The following SLC26A7 variants were observed in gnomAD, a reference collection of about 807,000 sequenced individuals.
SLC26A7 encodes the protein solute carrier family 26 member 7.
SLC26A7 carries 59 observed loss-of-function variants against 82.5 expected under a neutral mutation model. The ratio of observed to expected loss-of-function variants is 0.72; its 90% CI spans 0.58 to 0.89. The LOEUF (loss-of-function observed/expected upper bound fraction) is 0.89. SLC26A7 is among the 40% of genes least tolerant of loss of function. SLC26A7 has a pLI of 0.00. For missense variants in SLC26A7, 820 were observed against 793.0 expected (o/e 1.03, Z -0.41); for synonymous variants, 271 against 274.3 (o/e 0.99, Z 0.12).
intron 2 of SLC26A7, among the ~76,000 whole-genome samples, chr8:91,269,404 T>TTTG (rs754592286): frequency 2.0e-5 from 3 of 152,006 alleles, no homozygotes; most frequent in Admixed American, 1.3e-4. Context: ...GATAACAGTT[T>TTTG]TTGTTGTTGT....
chr8:91,301,391 T>C (rs1374968584), intron 4 of SLC26A7, among the ~76,000 whole-genome samples: 1 of 152,174 alleles, frequency 6.6e-6, no homozygotes, highest in Non-Finnish European at 1.5e-5. Context: ...CTGCAGTTTC[T>C]TTTACAAAAA....
At chr8:91,373,709 A>AT (rs1439468111) in intron 15 of SLC26A7, among the ~76,000 whole-genome samples, 2 of 151,762 alleles carry the variant, frequency 1.3e-5, no homozygotes, top group Non-Finnish European at 3.0e-5. Flanking sequence ...TCCTTACCAG[A>AT]TTTTGGCATC....
At chr8:91,328,878 T>C (rs1813003432) in intron 5 of SLC26A7, among the ~76,000 whole-genome samples, 1 of 152,032 alleles carries the variant, frequency 6.6e-6, no homozygotes, top group African/African-American at 2.4e-5. Flanking sequence ...GATGGATTGT[T>C]TATGCATATT....
chr8:91,326,856 C>A (rs181500971), intron 5 of SLC26A7, among the ~76,000 whole-genome samples: 44 of 152,312 alleles, frequency 2.9e-4, no homozygotes, highest in Admixed American at 9.8e-4. Flanking sequence ...TTTTCAGCTT[C>A]TTCTGGCTCC....
At chr8:91,239,119 C>T (rs559626155) in intron 2 of SLC26A7, among the ~76,000 whole-genome samples, 1 of 151,914 alleles carries the variant, frequency 6.6e-6, no homozygotes, top group Non-Finnish European at 1.5e-5. Flanking sequence ...GCCTGTAATC[C>T]CAGCACTTTG....
intron 2 of SLC26A7, among the ~76,000 whole-genome samples, chr8:91,279,807 C>G (rs1323899748): frequency 6.6e-6 from 1 of 152,190 alleles, no homozygotes; most frequent in Non-Finnish European, 1.5e-5. Flanking sequence ...GTGCACCCGC[C>G]TCGGCCTCCC....
chr8:91,331,607 TA>T (rs1320738431), intron 5 of SLC26A7, among the ~76,000 whole-genome samples: 5 of 152,280 alleles, frequency 3.3e-5, no homozygotes, highest in Middle Eastern at 3.4e-3. Context: ...AATTGCCACA[TA>T]AAAATTGTAT....
At chr8:91,385,165 C>A (rs16912684) in intron 15 of SLC26A7, among the ~76,000 whole-genome samples, 7,956 of 152,194 alleles carry the variant, frequency 0.052, 290 homozygotes, top group African/African-American at 0.11. Context: ...TAAAGCCCAT[C>A]ATTTACCACA....
At chr8:91,360,893 A>G (rs1385247801) in intron 11 of SLC26A7, among the ~76,000 whole-genome samples, 4 of 152,268 alleles carry the variant, frequency 2.6e-5, no homozygotes, top group South Asian at 2.1e-4. Context: ...CTTGTTTTGT[A>G]TATGATTAAG....
intron 2 of SLC26A7, among the ~76,000 whole-genome samples, chr8:91,243,749 C>T (rs1810505337): frequency 6.6e-6 from 1 of 152,130 alleles, no homozygotes; most frequent in Non-Finnish European, 1.5e-5. Flanking sequence ...AAAAATCTCA[C>T]AATCCACAAA....
chr8:91,338,187 T>C lies in SLC26A7; in HGVS notation c.833T>C (p.Met278Thr), dbSNP rs746190868. The change falls in exon 7 of 19, where the codon ATG (methionine) becomes ACG (threonine). Residue 278 changes from methionine to threonine, a missense_variant. Met to Thr is a moderately conservative substitution (Grantham distance 81). Transcript: ENST00000276609. Reference sequence around the variant, plus strand: ...TCATTTGCTTGTTATTGCACCAATATGGAAAACACATATGGATTAGAAGTA... The same window carrying C: ...TCATTTGCTTGTTATTGCACCAATACGGAAAACACATATGGATTAGAAGTA... ...AASFACYCTNMENTYGLEVVG... is the reference protein window; with the variant it reads ...AASFACYCTNTENTYGLEVVG... 2.8e-5 allele frequency: 45 copies of C among 1,610,958 alleles called. No individual in the cohort carries two copies. The highest frequency in any genetic ancestry group is 6.7e-5 in the Admixed American group (4 of 59,572).
At position 91,241,270 on chromosome 8, in the gene SLC26A7, A is replaced by T. The variant is rs561620629; in HGVS notation, c.-33-8349A>T. On this transcript the variant is annotated intron_variant, in intron 2 of 5. Transcript: ENST00000522862. ...CTTATGATATAAATCTCAATGAAAT[A>T]AAAAATTACATGTATAGTAATGCCT... Among the ~76,000 whole-genome samples the T allele has an allele frequency of 3.9e-5, 6 of 152,290 alleles. No homozygotes were observed. In the East Asian group the frequency reaches 9.6e-4, roughly 24 times the overall value.
chr8:91,254,885 C>CT (rs1266197229), intron 2 of SLC26A7, among the ~76,000 whole-genome samples: 1 of 152,122 alleles, frequency 6.6e-6, no homozygotes, highest in African/African-American at 2.4e-5. Flanking sequence ...AAGACCTTCA[C>CT]TGTCAAATAT....
chr8:91,314,750 A>AT (rs1812582678), intron 4 of SLC26A7, among the ~76,000 whole-genome samples: 1 of 152,222 alleles, frequency 6.6e-6, no homozygotes, highest in African/African-American at 2.4e-5. Context: ...TGGTAGGAGG[A>AT]TTTTTTTAAA....
chr8:91,336,405 C>A (rs1035655881), intron 6 of SLC26A7, among the ~76,000 whole-genome samples: 1 of 152,070 alleles, frequency 6.6e-6, no homozygotes, highest in Non-Finnish European at 1.5e-5. Context: ...GGAACACGAA[C>A]CCTGTTGTGA....
At chr8:91,357,283 T>C (rs1214477958) in intron 11 of SLC26A7, 1 of 152,214 alleles carries the variant, frequency 6.6e-6, no homozygotes, top group Non-Finnish European at 1.5e-5. Flanking sequence ...GTTTGTTGGC[T>C]TCTAGTGTCC....
chr8:91,341,367 T>A (rs149573265), intron 8 of SLC26A7, among the ~76,000 whole-genome samples: 127 of 152,336 alleles, frequency 8.3e-4, no homozygotes, highest in African/African-American at 2.9e-3. Flanking sequence ...TGTGCCACAT[T>A]TTCTTGATCC....
intron 2 of SLC26A7, among the ~76,000 whole-genome samples, chr8:91,285,283 T>C (rs939470049): frequency 6.7e-6 from 1 of 148,998 alleles, no homozygotes; most frequent in African/African-American, 2.5e-5. Flanking sequence ...TCACACGCCT[T>C]CATCTTCATG....
At chr8:91,326,207 A>G (rs1240703345) in intron 5 of SLC26A7, among the ~76,000 whole-genome samples, 3 of 152,158 alleles carry the variant, frequency 2.0e-5, no homozygotes, top group East Asian at 3.9e-4. Context: ...GCTAGGGTCT[A>G]TCTGTGATTC....
Sources: gnomAD v4.1 joint callset for allele counts (sites outside exome capture counted in the v4.1 genomes callset) on GRCh38, gnomAD v4.1.1 for gene constraint, MANE v1.5 for transcripts, NCBI Gene and HGNC (gene_info 2026-07-23, HGNC 2026-07-21) for gene names.